The following FMN2 variants were observed in gnomAD, a reference collection of about 807,000 sequenced individuals.
FMN2 encodes the protein formin-2.
A neutral mutation model predicts 142.3 loss-of-function variants in FMN2; 51 were observed. The observed-to-expected ratio is 0.36, with a 90% CI of 0.29 to 0.45. The LOEUF is 0.45. Among genes scored for constraint, FMN2 ranks in the 20% least tolerant of loss-of-function variants. The probability of loss-of-function intolerance (pLI) is 1.00; values close to 1 mark genes in which losing one functional copy is unlikely to be tolerated. For missense variants in FMN2, 1,936 were observed against 2,122.8 expected (o/e 0.91, Z 1.73); for synonymous variants, 882 against 869.8 (o/e 1.01, Z -0.25).
chr1:240,141,444 T>G (rs1481609809), intron 2 of FMN2, among the ~76,000 whole-genome samples: 1 of 152,096 alleles, frequency 6.6e-6, no homozygotes, highest in Non-Finnish European at 1.5e-5. Flanking sequence ...CTCCTCCCCC[T>G]GCAAACTCTG....
At chr1:240,205,492 C>T (rs570659016) in intron 4 of FMN2, among the ~76,000 whole-genome samples, 6 of 129,584 alleles carry the variant, frequency 4.6e-5, no homozygotes, top group South Asian at 2.5e-4. Context: ...GACGGAGTCT[C>T]GCTCTGTCAC....
intron 2 of FMN2, among the ~76,000 whole-genome samples, chr1:240,139,453 C>T (rs1331671239): frequency 1.3e-5 from 2 of 151,688 alleles, no homozygotes; most frequent in South Asian, 2.1e-4. Context: ...GTAGATGATA[C>T]TTGAAGCCAT....
At chr1:240,387,976 G>A (rs1160565894) in intron 14 of FMN2, among the ~76,000 whole-genome samples, 1 of 151,860 alleles carries the variant, frequency 6.6e-6, no homozygotes, top group Admixed American at 6.6e-5. Flanking sequence ...AGGAGATCGA[G>A]ACCATCCTGG....
At chr1:240,160,792 T>C (rs544909611) in intron 2 of FMN2, among the ~76,000 whole-genome samples, 1 of 152,022 alleles carries the variant, frequency 6.6e-6, no homozygotes, top group Non-Finnish European at 1.5e-5. Flanking sequence ...GGAGAAGAAA[T>C]AAAACTGCCA....
chr1:240,144,384 C>G, intron 2 of FMN2: 2 of 1,606,928 alleles, frequency 1.2e-6, no homozygotes, highest in South Asian at 2.2e-5. Context: ...CGAGCTAAGG[C>G]CAAGAAGTTG....
At position 240,137,391 on chromosome 1, in the gene FMN2, C is replaced by T. The variant is rs371924508; in HGVS notation, c.1782+14046C>T. Among the ~76,000 whole-genome samples the T allele has an allele frequency of 1.1e-3, 161 of 152,228 alleles. 3 individuals are homozygous for T. The South Asian group carries it at 0.024, about 23-fold the overall frequency. On this transcript the variant is annotated intron_variant, in intron 2 of 17. Transcript: ENST00000319653. The stretch of plus-strand genomic sequence containing the variant: ...CACTGTTGTGGTGTAAAAGCAGCCA[C>T]GGACAATACGCCACTAATAAGCACG...
chr1:240,110,539 C>A (rs1661771504), intron 1 of FMN2, among the ~76,000 whole-genome samples: 1 of 152,176 alleles, frequency 6.6e-6, no homozygotes, highest in African/African-American at 2.4e-5. Flanking sequence ...TAAAAACTTA[C>A]CCCCTAACTG....
chr1:240,274,816 A>G (rs1260925021), intron 7 of FMN2, among the ~76,000 whole-genome samples: 2 of 152,226 alleles, frequency 1.3e-5, no homozygotes, highest in East Asian at 3.9e-4. Context: ...TGAGAAAAAG[A>G]TAGGACTCTA....
At chr1:240,271,098 G>GCTTTTTTTTTTTTTTTTTTTTTTT (rs1233218686) in intron 7 of FMN2, among the ~76,000 whole-genome samples, 3 of 72,244 alleles carry the variant, frequency 4.2e-5, no homozygotes, top group African/African-American at 6.6e-5. Flanking sequence ...TTCCACGATG[G>GCTTTTTTTTTTTTTTTTTTTTTTT]TTTTTTTTTT....
intron 11 of FMN2, among the ~76,000 whole-genome samples, chr1:240,331,897 T>C (rs1048892992): frequency 4.6e-5 from 7 of 152,218 alleles, no homozygotes; most frequent in Non-Finnish European, 1.0e-4. Flanking sequence ...TATTGAATAC[T>C]GTGCTGCAAG....
intron 14 of FMN2, among the ~76,000 whole-genome samples, chr1:240,384,148 G>T (rs1240379253): frequency 6.6e-6 from 1 of 152,106 alleles, no homozygotes; most frequent in African/African-American, 2.4e-5. Context: ...AGTCTCCAAA[G>T]GTGGGAAGAG....
chr1:240,153,759 A>G (rs763439916), intron 2 of FMN2, among the ~76,000 whole-genome samples: 15 of 152,142 alleles, frequency 9.9e-5, no homozygotes, highest in African/African-American at 2.4e-4. Flanking sequence ...AAGTTGCCTC[A>G]TTTAAATTTC....
chr1:240,422,669 G>C (rs1301749555), intron 15 of FMN2, among the ~76,000 whole-genome samples: 1 of 152,164 alleles, frequency 6.6e-6, no homozygotes, highest in Non-Finnish European at 1.5e-5. Flanking sequence ...TTTCTACATA[G>C]ACGTATTAGT....
chr1:240,353,277 A>G (rs183837210), intron 13 of FMN2, among the ~76,000 whole-genome samples: 79 of 152,366 alleles, frequency 5.2e-4, no homozygotes, highest in African/African-American at 1.8e-3. Context: ...TTTTACACTC[A>G]TAGTGGCTGA....
intron 6 of FMN2, among the ~76,000 whole-genome samples, chr1:240,218,532 A>G (rs1025004962): frequency 6.6e-6 from 1 of 150,794 alleles, no homozygotes; most frequent in Non-Finnish European, 1.5e-5. Flanking sequence ...CCTCCAGCCT[A>G]GGCAACATAG....
intron 7 of FMN2, among the ~76,000 whole-genome samples, chr1:240,271,882 TATA>T (rs1669030197): frequency 6.6e-6 from 1 of 152,162 alleles, no homozygotes; most frequent in South Asian, 2.1e-4. Context: ...TCAAATGAAT[TATA>T]ATGTCTTTTA....
At chr1:240,246,080 T>C (rs1668073715) in intron 6 of FMN2, among the ~76,000 whole-genome samples, 1 of 152,152 alleles carries the variant, frequency 6.6e-6, no homozygotes, top group Admixed American at 6.5e-5. Flanking sequence ...CTCGGGAGAC[T>C]GAGGCAGGAG....
intron 2 of FMN2, chr1:240,143,928 C>T (rs1663309351): frequency 6.6e-7 from 1 of 1,514,162 alleles, no homozygotes; most frequent in Non-Finnish European, 9.2e-7. Context: ...AAGCCTAGCC[C>T]AAAGATGGAA....
Position 240,173,380 on chromosome 1 carries a change from T to C in FMN2, c.1783-4541T>C, listed in dbSNP as rs186577505. ...CACTCAGGACTAGGGGACAAGCCACTGTTTTGGATAGTACACCATTAAGTG... is the reference window on the plus strand; with the variant it reads ...CACTCAGGACTAGGGGACAAGCCACCGTTTTGGATAGTACACCATTAAGTG... On this transcript the variant is annotated intron_variant, in intron 2 of 17. Transcript: ENST00000319653. 1.5e-4 allele frequency among the ~76,000 whole-genome samples: 23 copies of C among 152,282 alleles called. No individual in the cohort carries two copies. In the East Asian group the frequency reaches 2.3e-3, roughly 15 times the overall value.
Sources: allele counts gnomAD v4.1 joint callset (sites outside exome capture counted in the v4.1 genomes callset), GRCh38; gene constraint gnomAD v4.1.1; transcripts MANE v1.5; gene names NCBI Gene and HGNC (gene_info 2026-07-23, HGNC 2026-07-21).